NUP98: variants seen among roughly 807,000 people sequenced by gnomAD.
The protein encoded by NUP98 is nucleoporin 98 and 96 precursor.
NUP98 carries 26 observed loss-of-function variants against 191.9 expected under a neutral mutation model. The ratio of observed to expected loss-of-function variants is 0.14; its 90% CI spans 0.10 to 0.19. NUP98 has a LOEUF of 0.19. NUP98 is among the 10% of genes least tolerant of loss of function. NUP98 has a pLI of 1.00. For synonymous variants in NUP98, 808 were observed against 778.4 expected, an observed-to-expected ratio of 1.04 and a Z score of -0.63; for missense variants, 1,941 against 2,178.8, an observed-to-expected ratio of 0.89 and a Z score of 2.17.
At chr11:3,744,977 C>T (rs527449293) in intron 11 of NUP98, among the ~76,000 whole-genome samples, 10 of 152,224 alleles carry the variant, frequency 6.6e-5, no homozygotes, top group African/African-American at 2.4e-4. Context: ...ACTACATGCT[C>T]ATCAAAATGT....
intron 12 of NUP98, among the ~76,000 whole-genome samples, chr11:3,743,321 A>G (rs1313870599): frequency 6.7e-6 from 1 of 149,034 alleles, no homozygotes; most frequent in East Asian, 2.0e-4. Context: ...CCAGCCCATA[A>G]TTTTCTTTAA....
chr11:3,756,063 A>G (rs962516406), intron 10 of NUP98, among the ~76,000 whole-genome samples: 2 of 152,208 alleles, frequency 1.3e-5, no homozygotes, highest in Admixed American at 6.5e-5. Context: ...TAATTCTTCT[A>G]ATAGCTATGC....
At chr11:3,702,920 A>G in intron 22 of NUP98, 28 bp from the exon 23 acceptor site, 1 of 1,543,936 alleles carries the variant, frequency 6.5e-7, no homozygotes, top group Non-Finnish European at 8.8e-7. Context: ...TGAAGGGGAG[A>G]AAGACTATTA....
chr11:3,783,471 G>A (rs2082043275), intron 1 of NUP98, among the ~76,000 whole-genome samples: 2 of 152,092 alleles, frequency 1.3e-5, no homozygotes, highest in South Asian at 4.1e-4. Context: ...GGCCAAGGCG[G>A]GTGGATCACC....
chr11:3,763,529 G>A (rs75117967), intron 8 of NUP98, among the ~76,000 whole-genome samples: 3 of 152,172 alleles, frequency 2.0e-5, no homozygotes, highest in African/African-American at 7.2e-5. Context: ...AAATCAACAC[G>A]GACCGAGGTA....
At chr11:3,769,088 T>C (rs1232632865) in intron 7 of NUP98, among the ~76,000 whole-genome samples, 6 of 152,172 alleles carry the variant, frequency 3.9e-5, no homozygotes, top group African/African-American at 1.4e-4. Context: ...GGCTTCTTCT[T>C]TACATGAATA....
intron 1 of NUP98, among the ~76,000 whole-genome samples, chr11:3,791,434 G>A (rs914840931): frequency 4.7e-5 from 7 of 149,738 alleles, no homozygotes; most frequent in Admixed American, 6.7e-5. Context: ...CTTGGGAGGC[G>A]GAGACAGGAG....
intron 30 of NUP98, among the ~76,000 whole-genome samples, chr11:3,680,776 G>A (rs1205291948): frequency 2.0e-5 from 3 of 152,120 alleles, no homozygotes; most frequent in Non-Finnish European, 4.4e-5. Flanking sequence ...TCGAACTACT[G>A]AGCTCAAGAG....
intron 8 of NUP98, among the ~76,000 whole-genome samples, chr11:3,764,869 C>G (rs1416430508): frequency 6.6e-6 from 1 of 152,138 alleles, no homozygotes; most frequent in Admixed American, 6.5e-5. Flanking sequence ...TGAGCCACCG[C>G]GCCCAGCCTG....
intron 1 of NUP98, among the ~76,000 whole-genome samples, chr11:3,792,177 TC>T (rs1259839125): frequency 1.2e-4 from 4 of 33,264 alleles, no homozygotes; most frequent in Admixed American, 1.1e-3. Context: ...AAACTCCATC[TC>T]AAAAAAAAAA....
intron 5 of NUP98, among the ~76,000 whole-genome samples, chr11:3,774,099 G>A (rs186966716): frequency 3.1e-4 from 47 of 152,130 alleles, no homozygotes; most frequent in African/African-American, 1.1e-3. Context: ...CTGTAATGCT[G>A]CATTAAAAAA....
intron 11 of NUP98, among the ~76,000 whole-genome samples, chr11:3,750,174 C>T (rs1292598662): frequency 2.6e-5 from 4 of 152,136 alleles, no homozygotes; most frequent in Admixed American, 6.5e-5. Flanking sequence ...CTCTGGAGTG[C>T]AGCGGAATGA....
intron 14 of NUP98, among the ~76,000 whole-genome samples, chr11:3,725,655 C>T (rs113912357): frequency 0.067 from 10,230 of 152,216 alleles, 361 homozygotes; most frequent in Middle Eastern, 0.1. Context: ...AAAAGGTAAA[C>T]AGACATTTGC....
Position 3,735,311 on chromosome 11 carries a change from T to C in NUP98, c.1422A>G (p.Pro474=). 6.5e-7 allele frequency: 1 copy of C among 1,537,514 alleles called. No homozygotes were observed. Among genetic ancestry groups the C allele is most frequent in the Middle Eastern group, 2.0e-4 (1 of 5,122 alleles). Residue 474 remains proline, a synonymous_variant, in exon 13 of 33, where the codon CCA becomes CCG. Transcript: ENST00000324932. Reference sequence around the variant, plus strand: ...CAGCCTGCTGGGCAGCAGAAGCATTTGGATCTGTCAAAGCTTTTAAAAAAA... The same window carrying C: ...CAGCCTGCTGGGCAGCAGAAGCATTCGGATCTGTCAAAGCTTTTAAAAAAA... ...APQAPVALTD[P]NASAAQQAVL... is the part of the protein sequence containing the mutation.
chr11:3,783,614 G>A (rs151047720), intron 1 of NUP98, among the ~76,000 whole-genome samples: 19 of 152,264 alleles, frequency 1.2e-4, no homozygotes, highest in African/African-American at 4.6e-4. Flanking sequence ...CAGGAGAACT[G>A]CTTGAACCTG....
intron 16 of NUP98, among the ~76,000 whole-genome samples, chr11:3,722,105 CT>C (rs923606079): frequency 0.067 from 7,217 of 108,278 alleles, 179 homozygotes; most frequent in Middle Eastern, 0.09. Context: ...ACCTGGAATT[CT>C]TTTTTTTTTT....
chr11:3,708,938 GA>G (rs2134150382), intron 20 of NUP98, among the ~76,000 whole-genome samples: 1 of 152,192 alleles, frequency 6.6e-6, no homozygotes, highest in South Asian at 2.1e-4. Context: ...TAACTACACA[GA>G]TTATATCTGT....
chr11:3,778,843 G>A, intron 4 of NUP98, 30 bp downstream of exon 4: 1 of 1,593,474 alleles, frequency 6.3e-7, no homozygotes, highest in Non-Finnish European at 8.6e-7. Flanking sequence ...CAAATTATTA[G>A]ATGCAGAACT....
chr11:3,711,262 A>C (rs2079017285), intron 20 of NUP98, among the ~76,000 whole-genome samples: 1 of 152,174 alleles, frequency 6.6e-6, no homozygotes, highest in Admixed American at 6.6e-5. Flanking sequence ...CTACTTGCCC[A>C]TTTTAAATCC....
Sources: allele counts gnomAD v4.1 joint callset (sites outside exome capture counted in the v4.1 genomes callset), GRCh38; gene constraint gnomAD v4.1.1; transcripts MANE v1.5; gene names NCBI Gene and HGNC (gene_info 2026-07-23, HGNC 2026-07-21).